SPRED1: variants seen among roughly 807,000 people sequenced by gnomAD.
SPRED1 encodes the protein sprouty related EVH1 domain containing 1, also known as sprouty-related, EVH1 domain-containing protein 1.
A neutral mutation model predicts 52.3 loss-of-function variants in SPRED1; 18 were observed. The observed-to-expected ratio is 0.34, with a 90% CI of 0.24 to 0.51. The LOEUF is 0.51. Ranked by LOEUF, SPRED1 falls within the 20% of genes least tolerant of loss-of-function variation. The probability of loss-of-function intolerance (pLI) is 0.97; values close to 1 mark genes in which losing one functional copy is unlikely to be tolerated. For missense variants in SPRED1, 485 were observed against 551.0 expected (o/e 0.88, Z 1.20); for synonymous variants, 155 against 179.7 (o/e 0.86, Z 1.10).
chr15:38,279,405 T>G (rs1288142451), intron 1 of SPRED1, among the ~76,000 whole-genome samples: 2 of 152,232 alleles, frequency 1.3e-5, no homozygotes, highest in African/African-American at 4.8e-5. Flanking sequence ...AATTTAGTCT[T>G]AAGAGTGGAT....
intron 6 of SPRED1, among the ~76,000 whole-genome samples, chr15:38,350,383 T>C (rs1888456300): frequency 6.6e-6 from 1 of 152,162 alleles, no homozygotes; most frequent in South Asian, 2.1e-4. Context: ...AAGTCTCTCT[T>C]AAGGGCCACA....
chr15:38,300,128 C>G (rs1373335806), intron 2 of SPRED1, among the ~76,000 whole-genome samples: 1 of 152,082 alleles, frequency 6.6e-6, no homozygotes, highest in Non-Finnish European at 1.5e-5. Flanking sequence ...ACACTATTGT[C>G]TTCCATGCAG....
intron 1 of SPRED1, among the ~76,000 whole-genome samples, chr15:38,275,718 G>A (rs1894537022): frequency 1.3e-5 from 2 of 152,146 alleles, no homozygotes; most frequent in Non-Finnish European, 2.9e-5. Flanking sequence ...GGCTGGTCTT[G>A]AACTCCTGAC....
intron 1 of SPRED1, among the ~76,000 whole-genome samples, chr15:38,275,470 A>AT (rs1894529504): frequency 6.6e-6 from 1 of 152,092 alleles, no homozygotes; most frequent in African/African-American, 2.4e-5. Context: ...AGATGTGCTA[A>AT]TTGGCTTTGG....
intron 2 of SPRED1, among the ~76,000 whole-genome samples, chr15:38,316,422 A>T (rs1471359142): frequency 6.6e-6 from 1 of 152,064 alleles, no homozygotes; most frequent in African/African-American, 2.4e-5. Flanking sequence ...AGATCTTCTT[A>T]AAATATCTGT....
intron 1 of SPRED1, among the ~76,000 whole-genome samples, chr15:38,275,136 C>A (rs1002504585): frequency 1.3e-5 from 2 of 152,084 alleles, no homozygotes; most frequent in African/African-American, 4.8e-5. Flanking sequence ...TTCCGTCATT[C>A]CTTCTGCTTT....
intron 1 of SPRED1, among the ~76,000 whole-genome samples, chr15:38,292,727 A>G (rs1595729701): frequency 6.6e-6 from 1 of 152,182 alleles, no homozygotes; most frequent in Non-Finnish European, 1.5e-5. Flanking sequence ...TGGGAGATAC[A>G]ATTCAAGTTC....
At chr15:38,276,167 T>C (rs1234627723) in intron 1 of SPRED1, among the ~76,000 whole-genome samples, 2 of 151,962 alleles carry the variant, frequency 1.3e-5, no homozygotes, top group African/African-American at 2.4e-5. Context: ...ATTGCTGGTA[T>C]GTGAGTATTT....
chr15:38,315,906 C>CT (rs1416652210), intron 2 of SPRED1, among the ~76,000 whole-genome samples: 1 of 151,966 alleles, frequency 6.6e-6, no homozygotes, highest in Non-Finnish European at 1.5e-5. Context: ...ATTTTGAATA[C>CT]TTTATTAGTT....
Position 38,351,779 on chromosome 15 carries a change from CA to C in SPRED1, c.*116del, listed in dbSNP as rs1595764200. On this transcript the variant is annotated 3_prime_UTR_variant, in exon 7 of 7. Transcript: ENST00000299084. The stretch of plus-strand genomic sequence containing the variant: ...ATCTTGCCTGGTATCATTGAGCCCA[CA>C]CATGGAGGAAGCAGAACTCATCAGT... 10 of 1,278,318 alleles carry C rather than the reference CA, an allele frequency of 7.8e-6. No homozygotes were observed. The East Asian group carries it at 2.5e-4, about 32-fold the overall frequency. 79.2% of individuals were successfully genotyped at this position (1,278,318 alleles called of 1,614,324 possible).
rs751260227 is a variant in SPRED1, at chr15:38,351,555, C to T, written c.1226C>T (p.Ala409Val). Residue 409 changes from alanine to valine, a missense_variant, in exon 7 of 7, where the codon GCT becomes GTT. Physicochemically the swap from Ala to Val is moderately conservative, Grantham distance 64. Transcript: ENST00000299084. ...TGCTTGCGATGGTTAGCCCTGGTAG[C>T]TTTGTCTTTCATTGTACCATGTATG... ...KFCLRWLALV[A>V]LSFIVPCMCC... 8.7e-5 allele frequency: 140 copies of T among 1,614,008 alleles called. 3 individuals carry two copies. The South Asian group carries it at 1.5e-3, about 17-fold the overall frequency.
In SPRED1 at chr15:38,346,853, T is replaced by C. The variant is rs572208787; in HGVS notation, c.583-2569T>C. On this transcript the variant is annotated intron_variant, in intron 5 of 6. Transcript: ENST00000299084. ...GTGTACCACCTACAGGGGATATGTA[T>C]TGAGTATTTGAAAGACTTCGGAAAT... is the stretch of plus-strand genomic sequence containing the variant. Among the ~76,000 whole-genome samples, 10 of 152,316 alleles carry C rather than the reference T, an allele frequency of 6.6e-5. No individual in the cohort carries two copies. The East Asian group carries it at 1.9e-3, about 29-fold the overall frequency.
intron 2 of SPRED1, among the ~76,000 whole-genome samples, chr15:38,321,681 C>T (rs1166296186): frequency 6.6e-6 from 1 of 152,160 alleles, no homozygotes; most frequent in Non-Finnish European, 1.5e-5. Context: ...GCAACCTCCA[C>T]CTCCTGGGCT....
At chr15:38,328,016 AT>A (rs1037924400) in intron 4 of SPRED1, among the ~76,000 whole-genome samples, 8 of 152,172 alleles carry the variant, frequency 5.3e-5, no homozygotes, top group African/African-American at 1.9e-4. Context: ...TTCTTTTGGA[AT>A]GTATGGGAAG....
At chr15:38,341,845 C>CTGA (rs1376775695) in intron 5 of SPRED1, among the ~76,000 whole-genome samples, 3 of 152,038 alleles carry the variant, frequency 2.0e-5, no homozygotes, top group Admixed American at 2.0e-4. Context: ...TTTTGTTGAA[C>CTGA]TGATCCTTTT....
chr15:38,341,109 T>C (rs1346378501), intron 5 of SPRED1, among the ~76,000 whole-genome samples: 1 of 151,816 alleles, frequency 6.6e-6, no homozygotes, highest in African/African-American at 2.4e-5. Context: ...AGTTATAGTT[T>C]ACAGTAACTT....
chr15:38,265,009 C>G (rs4923784), intron 1 of SPRED1, among the ~76,000 whole-genome samples: 125,530 of 152,116 alleles, frequency 0.83, 52,556 homozygotes, highest in Non-Finnish European at 0.9. Flanking sequence ...GGGTTTTATC[C>G]AATACATTAT....
At chr15:38,310,903 A>G (rs1895353680) in intron 2 of SPRED1, among the ~76,000 whole-genome samples, 2 of 152,146 alleles carry the variant, frequency 1.3e-5, no homozygotes, top group African/African-American at 4.8e-5. Flanking sequence ...ACAAATAGGA[A>G]GGGATTTATT....
Position 38,355,225 on chromosome 15 carries a change from G to A in SPRED1, c.*3561G>A, listed in dbSNP as rs181980647. ...CCCACCTCGGCCTCCCAAAGTGCTG[G>A]GATTACAGGCATGAGCTACTGCGCC... On this transcript the variant is annotated 3_prime_UTR_variant, in exon 7 of 7. Transcript: ENST00000299084. 2.3e-3 allele frequency: 349 copies of A among 152,458 alleles called. 1 individual carries two copies. The highest frequency in any genetic ancestry group is 3.7e-3 in the Non-Finnish European group (255 of 68,188). The allele number at this position is 152,458 out of a possible 1,614,324, so 9.4% of individuals were successfully genotyped here.
Sources: allele counts gnomAD v4.1 joint callset (sites outside exome capture counted in the v4.1 genomes callset), GRCh38; gene constraint gnomAD v4.1.1; transcripts MANE v1.5; gene names NCBI Gene and HGNC (gene_info 2026-07-23, HGNC 2026-07-21).